The following FHL5 variants were observed in gnomAD, a reference collection of about 807,000 sequenced individuals.
FHL5 encodes four and a half LIM domains protein 5.
Under a neutral mutation model 32.0 loss-of-function variants are expected in FHL5, and 33 were observed. The observed-to-expected ratio is 1.03, with a 90% CI of 0.78 to 1.38. The LOEUF (loss-of-function observed/expected upper bound fraction) is 1.38. FHL5 is among the 40% of genes most tolerant of loss of function. The pLI, the probability that FHL5 is intolerant of heterozygous loss-of-function variation, is 0.00. For synonymous variants in FHL5, 114 were observed against 113.6 expected (o/e 1.00, Z -0.02); for missense variants, 336 against 343.9 (o/e 0.98, Z 0.18).
At chr6:96,600,347 G>C (rs560832390) in intron 1 of FHL5, among the ~76,000 whole-genome samples, 9 of 152,230 alleles carry the variant, frequency 5.9e-5, no homozygotes, top group South Asian at 2.1e-4. Context: ...ATGTACCCAG[G>C]TGAAAATTTA....
At chr6:96,604,639 TACTAGC>T in intron 2 of FHL5, 105 bp from the exon 3 acceptor site, 1 of 731,280 alleles carries the variant, frequency 1.4e-6, no homozygotes, top group Non-Finnish European at 2.1e-6. Flanking sequence ...TCCCTCACGC[TACTAGC>T]ACAACCTACT....
At chr6:96,572,721 C>G (rs970315869) in intron 1 of FHL5, among the ~76,000 whole-genome samples, 1 of 152,156 alleles carries the variant, frequency 6.6e-6, no homozygotes, top group African/African-American at 2.4e-5. Flanking sequence ...CAGAGAACAC[C>G]AGTGGGAAGG....
intron 1 of FHL5, among the ~76,000 whole-genome samples, chr6:96,575,415 A>G (rs1277663594): frequency 6.6e-6 from 1 of 152,204 alleles, no homozygotes; most frequent in Non-Finnish European, 1.5e-5. Context: ...TGCATGAGAG[A>G]CCAAGCCCTT....
At chr6:96,592,698 A>G (rs1170647037) in intron 1 of FHL5, among the ~76,000 whole-genome samples, 1 of 152,174 alleles carries the variant, frequency 6.6e-6, no homozygotes, top group Non-Finnish European at 1.5e-5. Flanking sequence ...TTATAAAAGT[A>G]TTAATTTGGG....
At chr6:96,611,325 G>A (rs1202898138) in intron 5 of FHL5, among the ~76,000 whole-genome samples, 1 of 151,952 alleles carries the variant, frequency 6.6e-6, no homozygotes, top group African/African-American at 2.4e-5. Flanking sequence ...ATTATGAAGT[G>A]TGTTTATGAG....
chr6:96,607,061 G>A (rs1481455825), intron 4 of FHL5, among the ~76,000 whole-genome samples: 1 of 152,028 alleles, frequency 6.6e-6, no homozygotes, highest in Non-Finnish European at 1.5e-5. Context: ...GAAAAAAAAA[G>A]TAATATTTTT....
intron 1 of FHL5, among the ~76,000 whole-genome samples, chr6:96,571,046 CTCT>C (rs1770466297): frequency 1.3e-5 from 2 of 151,900 alleles, no homozygotes; most frequent in South Asian, 4.1e-4. Flanking sequence ...CTTTGTTGGT[CTCT>C]TATTTCCTTG....
intron 1 of FHL5, among the ~76,000 whole-genome samples, chr6:96,584,387 A>G (rs2127964126): frequency 6.6e-6 from 1 of 151,586 alleles, no homozygotes; most frequent in Non-Finnish European, 1.5e-5. Flanking sequence ...AACAGAGTGT[A>G]TTTGAGGAAT....
intron 1 of FHL5, among the ~76,000 whole-genome samples, chr6:96,590,774 TAA>T (rs1161743901): frequency 6.6e-6 from 1 of 152,118 alleles, no homozygotes; most frequent in Non-Finnish European, 1.5e-5. Context: ...TTTAGTTTGT[TAA>T]GAGTTTTTAA....
At chr6:96,592,531 A>T (rs1373587043) in intron 1 of FHL5, among the ~76,000 whole-genome samples, 1 of 152,176 alleles carries the variant, frequency 6.6e-6, no homozygotes, top group African/African-American at 2.4e-5. Context: ...TCCTGAGGCA[A>T]CATACATCCT....
At chr6:96,597,000 T>A (rs1263201312) in intron 1 of FHL5, among the ~76,000 whole-genome samples, 2 of 152,056 alleles carry the variant, frequency 1.3e-5, no homozygotes, top group African/African-American at 4.8e-5. Context: ...ATGATCTCAA[T>A]ACTCTTTTCT....
intron 1 of FHL5, among the ~76,000 whole-genome samples, chr6:96,596,178 C>G (rs1289191052): frequency 2.0e-5 from 3 of 152,036 alleles, no homozygotes; most frequent in African/African-American, 7.2e-5. Context: ...CATCATGGCT[C>G]AGAAGACATC....
chr6:96,603,913 T>C (rs1771212309), intron 2 of FHL5, 141 bp downstream of exon 2: 4 of 634,160 alleles, frequency 6.3e-6, no homozygotes, highest in Non-Finnish European at 1.1e-5. Context: ...TTACCAGCAG[T>C]CAAGCTCCAG....
intron 1 of FHL5, among the ~76,000 whole-genome samples, chr6:96,583,043 G>A (rs1770726508): frequency 6.6e-6 from 1 of 152,036 alleles, no homozygotes; most frequent in Admixed American, 6.6e-5. Flanking sequence ...AAAGTTACAT[G>A]GCTTTCATAA....
intron 1 of FHL5, among the ~76,000 whole-genome samples, chr6:96,594,074 T>C (rs772106648): frequency 1.3e-4 from 20 of 151,630 alleles, no homozygotes; most frequent in Non-Finnish European, 2.7e-4. Flanking sequence ...CATTGAATTC[T>C]CTATTACAAA....
Position 96,616,166 on chromosome 6 carries a change from T to C in FHL5, c.*394T>C, listed in dbSNP as rs1771517604. ...GAGAGGTATACATGAGGCTAGTGTTTGCATTCCTGGTTATATGTAATGTGA... is the reference window on the plus strand; with the variant it reads ...GAGAGGTATACATGAGGCTAGTGTTCGCATTCCTGGTTATATGTAATGTGA... On this transcript the variant is annotated 3_prime_UTR_variant, in exon 6 of 6. Transcript: ENST00000450218. 6.5e-6 allele frequency: 1 copy of C among 154,080 alleles called. No homozygotes were observed. Among genetic ancestry groups the C allele is most frequent in the Non-Finnish European group, 1.4e-5 (1 of 69,362 alleles). The allele number at this position is 154,080 out of a possible 1,614,324, so 9.5% of individuals were successfully genotyped here.
At chr6:96,606,110 A>C (rs1344072519) in intron 4 of FHL5, 39 bp downstream of exon 4, 2 of 1,550,336 alleles carry the variant, frequency 1.3e-6, no homozygotes, top group Non-Finnish European at 1.8e-6. Context: ...GGAAACTCAG[A>C]CTATTTCTTT....
chr6:96,608,260 G>C (rs1040750586), intron 4 of FHL5, among the ~76,000 whole-genome samples: 1 of 152,284 alleles, frequency 6.6e-6, no homozygotes, highest in Non-Finnish European at 1.5e-5. Context: ...GCCAAGTGCT[G>C]ATGTTTCCCA....
chr6:96,568,302 T>G (rs1181390475), intron 1 of FHL5, among the ~76,000 whole-genome samples: 3 of 151,788 alleles, frequency 2.0e-5, no homozygotes, highest in African/African-American at 7.2e-5. Context: ...ATTACATCCC[T>G]GAGGTAAATC....
Sources: allele counts gnomAD v4.1 joint callset (sites outside exome capture counted in the v4.1 genomes callset), GRCh38; gene constraint gnomAD v4.1.1; transcripts MANE v1.5; gene names NCBI Gene and HGNC (gene_info 2026-07-23, HGNC 2026-07-21).